SNAP91: variants seen among roughly 807,000 people sequenced by gnomAD.
The protein encoded by SNAP91 is clathrin coat assembly protein AP180.
A neutral mutation model predicts 100.3 loss-of-function variants in SNAP91; 27 were observed. The ratio of observed to expected loss-of-function variants is 0.27; its 90% CI spans 0.20 to 0.37. The LOEUF (loss-of-function observed/expected upper bound fraction) is 0.37, where lower values mean the gene tolerates loss of function less well. SNAP91 is among the 10% of genes least tolerant of loss of function. The pLI, the probability that SNAP91 is intolerant of heterozygous loss-of-function variation, is 1.00. For synonymous variants in SNAP91, 404 were observed against 398.6 expected, an observed-to-expected ratio of 1.01 and a Z score of -0.16; for missense variants, 986 against 1,123.7, an observed-to-expected ratio of 0.88 and a Z score of 1.75.
chr6:83,582,495 C>A, intron 22 of SNAP91, 139 bp from the exon 23 acceptor site: 1 of 865,662 alleles, frequency 1.2e-6, no homozygotes, highest in South Asian at 2.2e-5. Context: ...CAGAGAAGCT[C>A]ATTTCTGAAA....
intron 2 of SNAP91, among the ~76,000 whole-genome samples, chr6:83,687,833 CCTGA>C (rs1351396787): frequency 3.3e-5 from 5 of 151,994 alleles, no homozygotes; most frequent in Non-Finnish European, 7.4e-5. Flanking sequence ...AACTAATTTT[CCTGA>C]CTGACTGAAG....
chr6:83,560,319 C>A (rs1785110251), intron 27 of SNAP91, 111 bp from the exon 28 acceptor site: 1 of 731,704 alleles, frequency 1.4e-6, no homozygotes, highest in Non-Finnish European at 2.3e-6. Context: ...GAATCCAGGA[C>A]TATGAGGAAG....
chr6:83,577,628 T>C (rs780279718), intron 24 of SNAP91, among the ~76,000 whole-genome samples: 1 of 152,072 alleles, frequency 6.6e-6, no homozygotes, highest in Non-Finnish European at 1.5e-5. Context: ...ATGCAGGAGA[T>C]TTATTTTGAA....
chr6:83,652,945 A>G (rs551677144), intron 7 of SNAP91, among the ~76,000 whole-genome samples: 3 of 152,288 alleles, frequency 2.0e-5, no homozygotes, highest in African/African-American at 7.2e-5. Flanking sequence ...TTGTGAAGTG[A>G]AGTCATACAA....
chr6:83,629,071 C>T (rs1334562353), intron 8 of SNAP91, among the ~76,000 whole-genome samples: 1 of 152,066 alleles, frequency 6.6e-6, no homozygotes. Context: ...CAGTTTTATT[C>T]TCCTACATGT....
intron 1 of SNAP91, 153 bp from the exon 2 acceptor site, chr6:83,708,110 G>A (rs1437595091): frequency 7.9e-6 from 5 of 632,862 alleles, no homozygotes; most frequent in Non-Finnish European, 1.3e-5. Flanking sequence ...GCCAAGCCCC[G>A]CTCCTGCGAT....
At chr6:83,635,825 G>A (rs1400910237) in intron 8 of SNAP91, among the ~76,000 whole-genome samples, 4 of 152,160 alleles carry the variant, frequency 2.6e-5, no homozygotes, top group Non-Finnish European at 2.9e-5. Flanking sequence ...TTGTTTCCAA[G>A]TTTAGAACTC....
At chr6:83,645,501 T>C (rs113474556) in intron 7 of SNAP91, among the ~76,000 whole-genome samples, 188 of 152,102 alleles carry the variant, frequency 1.2e-3, no homozygotes, top group Non-Finnish European at 2.2e-3. Context: ...TTTGGACAAA[T>C]GTATAATGAC....
intron 2 of SNAP91, among the ~76,000 whole-genome samples, chr6:83,679,408 T>C (rs1335173212): frequency 2.6e-5 from 4 of 152,190 alleles, no homozygotes; most frequent in Non-Finnish European, 5.9e-5. Flanking sequence ...TGAAGAGAAG[T>C]TGCTGAGACT....
chr6:83,560,184 T>C lies in SNAP91; in HGVS notation c.2551A>G (p.Met851Val), dbSNP rs1784928080. 6.2e-7 allele frequency: 1 copy of C among 1,613,764 alleles called. No individual in the cohort carries two copies. Among genetic ancestry groups the C allele is most frequent in the South Asian group, 1.1e-5 (1 of 91,084 alleles). ...AACATGACCGGCTGCTGAGGCATCA[T>C]GGGCATGCCTGTCCCAGCAGGAGGC... ...GMPPAGTGMP[M>V]MPQQPVMFAQ... Residue 851 changes from methionine (M) to valine (V), a missense_variant, in exon 28 of 30, where the codon ATG (methionine) becomes GTG (valine). Around this residue, in one of 4 missense-constraint regions of SNAP91, gnomAD observed 10 missense variants for 27.8 expected, o/e 0.36. Transcript: ENST00000369694.
Position 83,641,213 on chromosome 6 carries a change from T to A in SNAP91, c.659-11A>T. ...TTTCAAAAAACTTTTCTAGAGAAGA[T>A]AAAGAGATAAGCAATTTGAAAAGAG... On this transcript the variant is annotated splice_polypyrimidine_tract_variant and intron_variant, in intron 7 of 29. Coordinates refer to ENST00000369694, the MANE Select transcript of SNAP91 (RefSeq NM_001242792.2). 1 of 1,221,546 alleles carries A rather than the reference T, an allele frequency of 8.2e-7. No individual in the cohort carries two copies. The highest frequency in any genetic ancestry group is 1.5e-5 in the South Asian group (1 of 66,966). 75.7% of individuals were successfully genotyped at this position (1,221,546 alleles called of 1,614,324 possible).
chr6:83,589,415 G>T (rs1385821062), intron 22 of SNAP91, among the ~76,000 whole-genome samples: 1 of 152,134 alleles, frequency 6.6e-6, no homozygotes, highest in East Asian at 1.9e-4. Flanking sequence ...TTGAACAAGG[G>T]TGAGAAATAT....
rs1027279268 is a variant in SNAP91 at position 83,553,403 on chromosome 6, A to C, written c.*893T>G. On this transcript the variant is annotated 3_prime_UTR_variant, in exon 30 of 30. Coordinates refer to ENST00000369694, the MANE Select transcript of SNAP91 (RefSeq NM_001242792.2). ...TGTACTAAAAACCCACAGTAAAGTA[A>C]AGATATTTGCAGTAATCTTTAAATT... 4 of 152,180 alleles carry C rather than the reference A, an allele frequency of 2.6e-5. No individual in the cohort carries two copies. The highest frequency in any genetic ancestry group is 9.6e-5 in the African/African-American group (4 of 41,460). The allele number at this position is 152,180 out of a possible 1,614,324, so 9.4% of individuals were successfully genotyped here.
At chr6:83,572,517 G>A (rs1055032252) in intron 26 of SNAP91, among the ~76,000 whole-genome samples, 1 of 152,070 alleles carries the variant, frequency 6.6e-6, no homozygotes, top group Non-Finnish European at 1.5e-5. Flanking sequence ...CTCACAAAGT[G>A]CTGGGATTAC....
chr6:83,557,876 T>C (rs71568884), intron 28 of SNAP91, among the ~76,000 whole-genome samples: 5 of 151,786 alleles, frequency 3.3e-5, no homozygotes, highest in Non-Finnish European at 7.4e-5. Flanking sequence ...GCATCAGTAA[T>C]AAAAAAACTA....
chr6:83,652,944 G>C lies in SNAP91; in HGVS notation c.658+3810C>G, dbSNP rs1172261781. On this transcript the variant is annotated intron_variant, in intron 7 of 29. Coordinates refer to ENST00000369694, the MANE Select transcript of SNAP91 (RefSeq NM_001242792.2). ...TTCTTGTTTGCATGGTTTGTGAAGT[G>C]AAGTCATACAAAATTCTTATTTTTG... is the stretch of plus-strand genomic sequence containing the variant. Among the ~76,000 whole-genome samples the C allele has an allele frequency of 6.6e-5, 10 of 152,148 alleles. 1 individual carries two copies. The highest frequency in any genetic ancestry group is 6.5e-4 in the Admixed American group (10 of 15,268).
Position 83,673,499 on chromosome 6 carries a change from T to C in SNAP91, c.131-7918A>G, listed in dbSNP as rs965853139. 2.0e-5 allele frequency among the ~76,000 whole-genome samples: 3 copies of C among 152,214 alleles called. No homozygotes were observed. In the East Asian group the frequency reaches 5.8e-4, roughly 29 times the overall value. On this transcript the variant is annotated intron_variant, in intron 2 of 29. Transcript: ENST00000369694. ...TTGTTTATAAGCATCTAGTCTATGA[T>C]GTTTTGGTAGCCCCTGCAAACTAAT...
intron 5 of SNAP91, 136 bp downstream of exon 5, chr6:83,661,366 T>C: frequency 5.5e-6 from 3 of 546,272 alleles, no homozygotes; most frequent in South Asian, 3.2e-5. Context: ...TACAATATTA[T>C]TGAGTTCCTT....
At chr6:83,617,208 T>C (rs1007987943) in intron 9 of SNAP91, among the ~76,000 whole-genome samples, 169 bp from the exon 10 acceptor site, 9 of 152,078 alleles carry the variant, frequency 5.9e-5, no homozygotes, top group African/African-American at 2.2e-4. Flanking sequence ...TTCCATAGAC[T>C]TTCAGACAGA....
Sources: gnomAD v4.1 joint callset for allele counts (sites outside exome capture counted in the v4.1 genomes callset) on GRCh38, gnomAD v4.1.1 for gene constraint, gnomAD v4.1.1 regional missense constraint, MANE v1.5 for transcripts, NCBI Gene and HGNC (gene_info 2026-07-23, HGNC 2026-07-21) for gene names.